The following ZNF516 variants were observed in gnomAD, a reference collection of about 807,000 sequenced individuals.
ZNF516 encodes zinc finger protein 516.
In ZNF516, 19 loss-of-function variants were observed where a neutral mutation model predicts 79.7. The ratio of observed to expected loss-of-function variants is 0.24; its 90% CI spans 0.17 to 0.35. The LOEUF (loss-of-function observed/expected upper bound fraction) is 0.35. Among genes scored for constraint, ZNF516 ranks in the 10% least tolerant of loss-of-function variants. ZNF516 has a pLI of 1.00. For synonymous variants in ZNF516, 877 were observed against 739.5 expected, an observed-to-expected ratio of 1.19 and a Z score of -3.02; for missense variants, 1,678 against 1,679.5, an observed-to-expected ratio of 1.00 and a Z score of 0.02.
chr18:76,437,239 A>ACAGC (rs1194712461), intron 3 of ZNF516, among the ~76,000 whole-genome samples: 1 of 152,214 alleles, frequency 6.6e-6, no homozygotes, highest in Admixed American at 6.5e-5. Context: ...ACCAGCACGG[A>ACAGC]CAGCCAGCCA....
chr18:76,457,051 AC>A, intron 2 of ZNF516, among the ~76,000 whole-genome samples: 1 of 152,386 alleles, frequency 6.6e-6, no homozygotes. Context: ...AATTAAGCTG[AC>A]AGCACAGGAG....
chr18:76,457,588 A>G (rs1912807078), intron 2 of ZNF516, among the ~76,000 whole-genome samples: 1 of 152,134 alleles, frequency 6.6e-6, no homozygotes, highest in South Asian at 2.1e-4. Flanking sequence ...GTGGCAGCGC[A>G]TGCCTGTGGT....
Position 76,403,050 on chromosome 18 carries a change from A to G in ZNF516, c.1811-22747T>C, listed in dbSNP as rs1363246595. 5.3e-5 allele frequency among the ~76,000 whole-genome samples: 8 copies of G among 152,376 alleles called. No homozygotes were observed. The East Asian group carries it at 1.5e-3, about 29-fold the overall frequency. On this transcript the variant is annotated intron_variant, in intron 3 of 6. Transcript: ENST00000443185. Reference sequence around the variant, plus strand: ...TGAGCCACCTGCCTGCCACCAGGCCAGAAACCACCAAAGGCGCCTGGCACT... The same window carrying G: ...TGAGCCACCTGCCTGCCACCAGGCCGGAAACCACCAAAGGCGCCTGGCACT...
chr18:76,487,880 G>A (rs1310563476), intron 1 of ZNF516: 5 of 965,698 alleles, frequency 5.2e-6, no homozygotes, highest in East Asian at 1.1e-4. Flanking sequence ...CTACACTTTC[G>A]GCCAGTCAGG....
chr18:76,406,409 C>T (rs768735668), intron 3 of ZNF516, among the ~76,000 whole-genome samples: 2 of 152,046 alleles, frequency 1.3e-5, no homozygotes, highest in South Asian at 2.1e-4. Flanking sequence ...ACTAAAAATA[C>T]AAAAATTAGC....
At chr18:76,367,451 CAG>C (rs2074631742) in intron 6 of ZNF516, among the ~76,000 whole-genome samples, 2 of 152,224 alleles carry the variant, frequency 1.3e-5, no homozygotes, top group Admixed American at 1.3e-4. Context: ...GGAAGAAATT[CAG>C]AGTCTCAACA....
At chr18:76,479,127 T>C (rs1424421458) in intron 1 of ZNF516, among the ~76,000 whole-genome samples, 2 of 151,962 alleles carry the variant, frequency 1.3e-5, no homozygotes, top group African/African-American at 4.8e-5. Flanking sequence ...GGAACAATCA[T>C]CATCAGGATA....
chr18:76,431,735 T>G (rs114221340), intron 3 of ZNF516, among the ~76,000 whole-genome samples: 1 of 152,170 alleles, frequency 6.6e-6, no homozygotes, highest in East Asian at 1.9e-4. Flanking sequence ...TGGGCTCCCC[T>G]TGATCTTCCA....
chr18:76,480,233 T>C (rs1914429373), intron 1 of ZNF516, among the ~76,000 whole-genome samples: 1 of 151,786 alleles, frequency 6.6e-6, no homozygotes, highest in Non-Finnish European at 1.5e-5. Context: ...GTTTAACATT[T>C]TGGATTTTGG....
intron 5 of ZNF516, 50 bp downstream of exon 5, chr18:76,371,417 A>G (rs1568232536): frequency 2.0e-6 from 3 of 1,521,638 alleles, no homozygotes; most frequent in Non-Finnish European, 2.7e-6. Context: ...GACAGAAGAG[A>G]CCCCTCTTCC....
In ZNF516 at chr18:76,360,324, G is replaced by C. The variant is rs955012281; in HGVS notation, c.*2174C>G. The C allele has an allele frequency of 1.3e-5, 2 of 152,108 alleles. No individual in the cohort carries two copies. The highest frequency in any genetic ancestry group is 3.9e-4 in the East Asian group (2 of 5,192). 9.4% of individuals were successfully genotyped at this position (152,108 alleles called of 1,614,324 possible). A position where few individuals can be genotyped will look rare whatever the true frequency, so the allele number is the denominator to read the frequency against. On this transcript the variant is annotated 3_prime_UTR_variant, in exon 7 of 7. Transcript: ENST00000443185. The stretch of plus-strand genomic sequence containing the variant: ...TAATAACTAAAACACAGAGAAACAG[G>C]ACTGGGTCACTAGTCCCTGACATTC...
At chr18:76,399,633 C>T (rs1156239189) in intron 3 of ZNF516, among the ~76,000 whole-genome samples, 2 of 152,232 alleles carry the variant, frequency 1.3e-5, no homozygotes, top group African/African-American at 4.8e-5. Context: ...GTTCTAAGCG[C>T]TAGAGAGGAG....
intron 3 of ZNF516, 73 bp downstream of exon 3, chr18:76,441,172 A>C: frequency 2.0e-6 from 3 of 1,520,496 alleles, no homozygotes; most frequent in Non-Finnish European, 2.6e-6. Flanking sequence ...ACTTGAGTAT[A>C]CGTTTACCTG....
rs777786216 is a variant in ZNF516 at position 76,441,418 on chromosome 18, C to T, written c.1637G>A (p.Ser546Asn). 2 of 1,608,404 alleles carry T rather than the reference C, an allele frequency of 1.2e-6. No homozygotes were observed. The highest frequency in any genetic ancestry group is 2.2e-5 in the South Asian group (2 of 90,894). ...VHRRARRERD[S>N]DGDRAARARC... Reference sequence around the variant, plus strand: ...GGCCCGCGCCGCCCTGTCCCCGTCACTGTCCCTCTCGCGGCGCGCGCGGCG... The same window carrying T: ...GGCCCGCGCCGCCCTGTCCCCGTCATTGTCCCTCTCGCGGCGCGCGCGGCG... Residue 546 changes from serine to asparagine, a missense_variant, in exon 3 of 7, where the codon AGT becomes AAT. Coordinates refer to ENST00000443185, the MANE Select transcript of ZNF516 (RefSeq NM_014643.4).
At chr18:76,367,995 G>A (rs190403431) in intron 6 of ZNF516, among the ~76,000 whole-genome samples, 19 of 152,174 alleles carry the variant, frequency 1.2e-4, no homozygotes, top group Non-Finnish European at 2.8e-4. Context: ...ATGATCCCTA[G>A]CATCTAAAGC....
Position 76,495,233 on chromosome 18 carries a change from G to C in ZNF516, c.-361C>G, listed in dbSNP as rs1279479088. ...CCGAGCGCCCGCGGCGCGGAGCCGA[G>C]CGCTGCACTAGACCGACCGCGCCAG... On this transcript the variant is annotated 5_prime_UTR_variant, in exon 1 of 7. Transcript: ENST00000443185. 2.0e-5 allele frequency: 3 copies of C among 147,170 alleles called. No individual in the cohort carries two copies. Among genetic ancestry groups the C allele is most frequent in the African/African-American group, 7.4e-5 (3 of 40,794 alleles). The allele number at this position is 147,170 out of a possible 1,614,324, so 9.1% of individuals were successfully genotyped here.
chr18:76,490,915 C>T (rs1915141790), intron 1 of ZNF516: 2 of 985,498 alleles, frequency 2.0e-6, no homozygotes, highest in Admixed American at 6.1e-5. Context: ...CAGAGCCATC[C>T]CCGGCCTCTT....
At chr18:76,370,447 T>A in intron 6 of ZNF516, 81 bp downstream of exon 6, 1 of 1,316,288 alleles carries the variant, frequency 7.6e-7, no homozygotes. Flanking sequence ...AAGAAGGTCA[T>A]GCTTCAGTGA....
chr18:76,491,159 T>G, intron 1 of ZNF516: 2 of 940,446 alleles, frequency 2.1e-6, no homozygotes, highest in Non-Finnish European at 2.5e-6. Flanking sequence ...ACCAATTACC[T>G]GGGCTCCGCC....
Sources: allele counts gnomAD v4.1 joint callset (sites outside exome capture counted in the v4.1 genomes callset), GRCh38; gene constraint gnomAD v4.1.1; transcripts MANE v1.5; gene names NCBI Gene and HGNC (gene_info 2026-07-23, HGNC 2026-07-21).